SEMA3C: variants seen among roughly 807,000 people sequenced by gnomAD.
SEMA3C encodes semaphorin 3C.
SEMA3C carries 47 observed loss-of-function variants against 89.4 expected under a neutral mutation model. The ratio of observed to expected loss-of-function variants is 0.53; its 90% confidence interval spans 0.42 to 0.67. SEMA3C has a LOEUF of 0.67. Ranked by LOEUF, SEMA3C falls within the 30% of genes least tolerant of loss-of-function variation. SEMA3C has a pLI of 0.00. For missense variants in SEMA3C, 839 were observed against 929.1 expected, an observed-to-expected ratio of 0.90 and a Z score of 1.26; for synonymous variants, 310 against 320.2, an observed-to-expected ratio of 0.97 and a Z score of 0.34.
At chr7:80,827,404 T>TG (rs1554374557) in intron 4 of SEMA3C, 21 bp downstream of exon 4, 164 of 1,494,198 alleles carry the variant, frequency 1.1e-4, no homozygotes, top group South Asian at 9.7e-4. Flanking sequence ...TTTTTTTTTT[T>TG]TTTTTTTTTT....
intron 2 of SEMA3C, among the ~76,000 whole-genome samples, chr7:80,860,445 C>G (rs1330865698): frequency 6.6e-6 from 1 of 152,096 alleles, no homozygotes; most frequent in South Asian, 2.1e-4. Context: ...TCTGGACATA[C>G]AATAGATCCA....
chr7:80,760,033 A>C (rs1788148791), intron 14 of SEMA3C, among the ~76,000 whole-genome samples: 2 of 152,226 alleles, frequency 1.3e-5, no homozygotes, highest in Admixed American at 1.3e-4. Context: ...AAATTAAAAA[A>C]TAAGAGAGCA....
chr7:80,906,156 G>C (rs1011567658), intron 2 of SEMA3C, among the ~76,000 whole-genome samples: 1 of 152,078 alleles, frequency 6.6e-6, no homozygotes, highest in Non-Finnish European at 1.5e-5. Flanking sequence ...AATTTCTATT[G>C]TTGGAACTTC....
intron 5 of SEMA3C, among the ~76,000 whole-genome samples, chr7:80,812,159 T>C (rs1406349356): frequency 6.6e-6 from 1 of 152,114 alleles, no homozygotes; most frequent in Non-Finnish European, 1.5e-5. Flanking sequence ...AAAATAAAGC[T>C]AATACATAGT....
chr7:80,892,795 A>T (rs1791647156), intron 2 of SEMA3C, among the ~76,000 whole-genome samples: 1 of 152,196 alleles, frequency 6.6e-6, no homozygotes, highest in Admixed American at 6.5e-5. Flanking sequence ...TTCCTCTTTT[A>T]AAGGTTGGAA....
chr7:80,860,816 G>T (rs560300120), intron 2 of SEMA3C, among the ~76,000 whole-genome samples: 19 of 152,268 alleles, frequency 1.2e-4, no homozygotes, highest in African/African-American at 4.3e-4. Flanking sequence ...ATACCATAAA[G>T]ACAGGTGTGG....
intron 12 of SEMA3C, among the ~76,000 whole-genome samples, chr7:80,785,520 A>G (rs1562873924): frequency 2.0e-5 from 3 of 152,158 alleles, no homozygotes; most frequent in Non-Finnish European, 4.4e-5. Flanking sequence ...TTCCCAAGAC[A>G]GTTAGATATA....
chr7:80,752,167 T>C (rs977002966), intron 15 of SEMA3C, among the ~76,000 whole-genome samples: 2 of 152,224 alleles, frequency 1.3e-5, no homozygotes, highest in Non-Finnish European at 2.9e-5. Context: ...TATATTGATA[T>C]TTAACAACAT....
chr7:80,781,824 T>G (rs1788697352), intron 12 of SEMA3C, among the ~76,000 whole-genome samples: 1 of 152,172 alleles, frequency 6.6e-6, no homozygotes, highest in Admixed American at 6.5e-5. Context: ...AGGGATGTGG[T>G]CTGACTGTAA....
chr7:80,865,490 T>C (rs1790903884), intron 2 of SEMA3C, among the ~76,000 whole-genome samples: 1 of 152,142 alleles, frequency 6.6e-6, no homozygotes, highest in East Asian at 1.9e-4. Context: ...TTTCCATCTT[T>C]AAGAATGCAT....
intron 2 of SEMA3C, among the ~76,000 whole-genome samples, chr7:80,887,707 A>C (rs545085834): frequency 6.6e-6 from 1 of 152,330 alleles, no homozygotes; most frequent in South Asian, 2.1e-4. Flanking sequence ...AGAGCTGCTT[A>C]TCCTGAGTAA....
At chr7:80,894,482 CAA>C (rs1262723179) in intron 2 of SEMA3C, among the ~76,000 whole-genome samples, 1 of 151,968 alleles carries the variant, frequency 6.6e-6, no homozygotes, top group African/African-American at 2.4e-5. Context: ...CATGTTTCTA[CAA>C]AAAAATTTTT....
At chr7:80,877,345 G>T (rs985438421) in intron 2 of SEMA3C, among the ~76,000 whole-genome samples, 5 of 152,076 alleles carry the variant, frequency 3.3e-5, no homozygotes, top group African/African-American at 1.2e-4. Context: ...CACAACATTT[G>T]TTAGTCATGC....
chr7:80,828,344 A>T (rs940062920), intron 3 of SEMA3C, among the ~76,000 whole-genome samples: 4 of 152,054 alleles, frequency 2.6e-5, no homozygotes, highest in Non-Finnish European at 5.9e-5. Context: ...ATATTTATAC[A>T]CAGGTAGTAT....
At chr7:80,745,448 A>G (rs1787778885) in intron 17 of SEMA3C, 141 bp from the exon 18 acceptor site, 7 of 805,000 alleles carry the variant, frequency 8.7e-6, no homozygotes, top group South Asian at 7.4e-5. Flanking sequence ...CTCAGTGGAC[A>G]TGAAATTTTG....
chr7:80,899,871 C>T (rs916788321), intron 2 of SEMA3C, among the ~76,000 whole-genome samples: 19 of 152,156 alleles, frequency 1.2e-4, no homozygotes, highest in Non-Finnish European at 1.6e-4. Flanking sequence ...TTTTCTACTT[C>T]TATATTAATA....
At chr7:80,890,620 CA>C (rs1791589116) in intron 2 of SEMA3C, among the ~76,000 whole-genome samples, 1 of 152,102 alleles carries the variant, frequency 6.6e-6, no homozygotes, top group Admixed American at 6.6e-5. Flanking sequence ...GAACTTTCCC[CA>C]ACTGGCTTGA....
Position 80,790,163 on chromosome 7 carries a change from G to A in SEMA3C, c.1132-635C>T, listed in dbSNP as rs1209760985. Among the ~76,000 whole-genome samples the A allele has an allele frequency of 2.0e-5, 3 of 151,936 alleles. No individual in the cohort carries two copies. In the South Asian group the frequency reaches 6.2e-4, roughly 32 times the overall value. On this transcript the variant is annotated intron_variant, in intron 11 of 17. Transcript: ENST00000265361. Reference sequence around the variant, plus strand: ...GCTAGGTGTGGCTGTGCATGCCTGCGATCCCAACTCCTTGGGAAACTGAGG... The same window carrying A: ...GCTAGGTGTGGCTGTGCATGCCTGCAATCCCAACTCCTTGGGAAACTGAGG...
At chr7:80,914,816 T>C (rs1792231467) in intron 2 of SEMA3C, among the ~76,000 whole-genome samples, 1 of 152,208 alleles carries the variant, frequency 6.6e-6, no homozygotes, top group South Asian at 2.1e-4. Context: ...ATATTAGGCA[T>C]ATATTATTTT....
Sources: allele counts gnomAD v4.1 joint callset (sites outside exome capture counted in the v4.1 genomes callset), GRCh38; gene constraint gnomAD v4.1.1; transcripts MANE v1.5; gene names NCBI Gene and HGNC (gene_info 2026-07-23, HGNC 2026-07-21).